FBXO25: variants seen among roughly 807,000 people sequenced by gnomAD.
FBXO25 encodes F-box protein 25.
A neutral mutation model predicts 51.9 loss-of-function variants in FBXO25; 45 were observed. The observed-to-expected ratio is 0.87, with a 90% CI of 0.68 to 1.11. The LOEUF is 1.11. Among genes scored for constraint, FBXO25 ranks in the 50% most tolerant of loss-of-function variants. The pLI, the probability that FBXO25 is intolerant of heterozygous loss-of-function variation, is 0.00. For synonymous variants in FBXO25, 199 were observed against 151.0 expected, an observed-to-expected ratio of 1.32 and a Z score of -2.33; for missense variants, 507 against 428.5, an observed-to-expected ratio of 1.18 and a Z score of -1.62.
chr8:457,054 C>T (rs986582003), intron 7 of FBXO25, among the ~76,000 whole-genome samples: 12 of 152,198 alleles, frequency 7.9e-5, no homozygotes, highest in African/African-American at 2.9e-4. Flanking sequence ...AGCCACGACA[C>T]ATCAGAAGGA....
chr8:444,645 C>T (rs1798625491), intron 5 of FBXO25, among the ~76,000 whole-genome samples: 1 of 152,076 alleles, frequency 6.6e-6, no homozygotes, highest in African/African-American at 2.4e-5. Context: ...TTAGAATTGT[C>T]AGATTTGAGG....
chr8:466,195 C>A (rs1256718335), intron 9 of FBXO25, among the ~76,000 whole-genome samples: 1 of 152,232 alleles, frequency 6.6e-6, no homozygotes, highest in Middle Eastern at 3.2e-3. Context: ...CTCAAGATGT[C>A]AGGTACTTCT....
chr8:474,549 C>G lies in FBXO25; in HGVS notation c.*5745C>G, dbSNP rs988396878. 8.6e-6 allele frequency: 3 copies of G among 350,168 alleles called. No individual in the cohort carries two copies. The highest frequency in any genetic ancestry group is 6.7e-5 in the South Asian group (3 of 44,968). 21.7% of individuals were successfully genotyped at this position (350,168 alleles called of 1,614,324 possible). A position where few individuals can be genotyped will look rare whatever the true frequency, so the allele number is the denominator to read the frequency against. ...CAGTTTTGCCACATCCTTGCCAACA[C>G]CTGTTTTTAATAATTGCCATCCTAA... On this transcript the variant is annotated 3_prime_UTR_variant, in exon 10 of 10. Transcript: ENST00000350302.
chr8:413,968 A>G (rs1012621797), intron 2 of FBXO25, among the ~76,000 whole-genome samples: 10 of 152,206 alleles, frequency 6.6e-5, no homozygotes, highest in Admixed American at 4.6e-4. Context: ...TTGGAGGGCT[A>G]GGAAGGTCTT....
rs766102657 is a variant in FBXO25, at chr8:475,047, A to T, written c.*6243A>T. 1.5e-5 allele frequency: 6 copies of T among 404,186 alleles called. No individual in the cohort carries two copies. In the East Asian group the frequency reaches 3.5e-4, roughly 24 times the overall value. The allele number at this position is 404,186 out of a possible 1,614,324, so 25.0% of individuals were successfully genotyped here. A position where few individuals can be genotyped will look rare whatever the true frequency, so the allele number is the denominator to read the frequency against. On this transcript the variant is annotated 3_prime_UTR_variant, in exon 10 of 10. Transcript: ENST00000350302. ...ATCTAAGAAATCACTGCCAAATCCA[A>T]TGTTGTTAAAAGTTTCCCTTATGTT...
At chr8:407,814 T>C (rs1331945902) in intron 1 of FBXO25, among the ~76,000 whole-genome samples, 2 of 152,182 alleles carry the variant, frequency 1.3e-5, no homozygotes, top group Non-Finnish European at 2.9e-5. Context: ...ATGCTTATTT[T>C]TCTTGCAGCA....
chr8:440,695 G>C (rs1006600652), intron 5 of FBXO25, among the ~76,000 whole-genome samples: 7 of 152,080 alleles, frequency 4.6e-5, no homozygotes, highest in African/African-American at 1.7e-4. Flanking sequence ...CCATCAACCC[G>C]TCATCTACAT....
At chr8:440,364 T>C (rs572606120) in intron 5 of FBXO25, among the ~76,000 whole-genome samples, 198 of 152,318 alleles carry the variant, frequency 1.3e-3, no homozygotes, top group African/African-American at 4.5e-3. Context: ...GGATGACAGC[T>C]GCATGGAGAT....
chr8:450,208 G>C (rs1278275876), intron 6 of FBXO25, 125 bp downstream of exon 6: 1 of 550,830 alleles, frequency 1.8e-6, no homozygotes, highest in Non-Finnish European at 3.1e-6. Context: ...TAAATAATGT[G>C]ATAACATCAG....
chr8:423,601 G>A (rs1213728156), intron 2 of FBXO25, among the ~76,000 whole-genome samples: 8 of 152,160 alleles, frequency 5.3e-5, no homozygotes, highest in Admixed American at 3.3e-4. Flanking sequence ...CTCCATCCAT[G>A]TTGCTGCAAA....
intron 7 of FBXO25, among the ~76,000 whole-genome samples, chr8:456,475 G>A (rs931562386): frequency 6.6e-6 from 1 of 152,212 alleles, no homozygotes; most frequent in South Asian, 2.1e-4. Context: ...GAGCAAAGAC[G>A]TTTACTGAGA....
intron 8 of FBXO25, among the ~76,000 whole-genome samples, chr8:459,381 G>C (rs755987425): frequency 7.2e-5 from 11 of 152,236 alleles, no homozygotes; most frequent in Non-Finnish European, 1.6e-4. Flanking sequence ...CCCTAGCATG[G>C]GGAGGGTGCT....
At chr8:435,810 G>A (rs1227355514) in intron 5 of FBXO25, 103 bp downstream of exon 5, 36 of 1,498,676 alleles carry the variant, frequency 2.4e-5, no homozygotes, top group Non-Finnish European at 2.9e-5. Context: ...CAGCTTGAAG[G>A]TGTGCCTGTT....
chr8:444,584 G>C (rs1326219455), intron 5 of FBXO25, among the ~76,000 whole-genome samples: 1 of 152,022 alleles, frequency 6.6e-6, no homozygotes, highest in Non-Finnish European at 1.5e-5. Context: ...TTCTCTATTT[G>C]AAGGATGTAC....
chr8:420,119 C>T lies in FBXO25; in HGVS notation c.134+6906C>T, dbSNP rs375379927. Among the ~76,000 whole-genome samples the T allele has an allele frequency of 2.0e-5, 3 of 152,004 alleles. No homozygotes were observed. The East Asian group carries it at 5.8e-4, about 29-fold the overall frequency. Reference sequence around the variant, plus strand: ...CTGCAGCTAGCCTGAGGCCACGGTACCATTTGGGGCAAGCAGCTGACCAGC... The same window carrying T: ...CTGCAGCTAGCCTGAGGCCACGGTATCATTTGGGGCAAGCAGCTGACCAGC... On this transcript the variant is annotated intron_variant, in intron 2 of 9. Coordinates refer to ENST00000350302, the MANE Select transcript of FBXO25 (RefSeq NM_183420.2).
At chr8:407,648 C>G (rs1217679672) in intron 1 of FBXO25, among the ~76,000 whole-genome samples, 1 of 152,090 alleles carries the variant, frequency 6.6e-6, no homozygotes, top group Admixed American at 6.5e-5. Flanking sequence ...CGTTTGCCCT[C>G]CGGGCTCGGT....
chr8:445,763 G>A (rs2116688070), intron 5 of FBXO25, among the ~76,000 whole-genome samples: 1 of 152,292 alleles, frequency 6.6e-6, no homozygotes, highest in South Asian at 2.1e-4. Context: ...GCCAGCTACT[G>A]GGGAAGCTGA....
At chr8:448,977 A>G (rs535034207) in intron 5 of FBXO25, among the ~76,000 whole-genome samples, 1 of 152,210 alleles carries the variant, frequency 6.6e-6, no homozygotes, top group East Asian at 1.9e-4. Flanking sequence ...GAGAGAACGC[A>G]AAGTTTTTCA....
chr8:448,579 C>T (rs888483635), intron 5 of FBXO25, among the ~76,000 whole-genome samples: 5 of 152,206 alleles, frequency 3.3e-5, no homozygotes, highest in African/African-American at 9.6e-5. Context: ...TTCTCATGAG[C>T]AGTTTCGGCT....
Sources: allele counts gnomAD v4.1 joint callset (sites outside exome capture counted in the v4.1 genomes callset), GRCh38; gene constraint gnomAD v4.1.1; transcripts MANE v1.5; gene names NCBI Gene and HGNC (gene_info 2026-07-23, HGNC 2026-07-21).